Variants in XKR4 observed in about 807,000 individuals in gnomAD.
The protein encoded by XKR4 is XK related 4.
Under a neutral mutation model 53.9 loss-of-function variants are expected in XKR4, and 12 were observed. The observed-to-expected ratio is 0.22, with a 90% CI of 0.14 to 0.36. The LOEUF is 0.36. Ranked by LOEUF, XKR4 falls within the 10% of genes least tolerant of loss-of-function variation. The probability of loss-of-function intolerance (pLI) is 1.00; values close to 1 mark genes in which losing one functional copy is unlikely to be tolerated. For missense variants in XKR4, 799 were observed against 859.5 expected (o/e 0.93, Z 0.88); for synonymous variants, 354 against 362.4 (o/e 0.98, Z 0.26).
chr8:55,507,783 A>G (rs1806564713), intron 2 of XKR4, among the ~76,000 whole-genome samples: 1 of 152,126 alleles, frequency 6.6e-6, no homozygotes, highest in Non-Finnish European at 1.5e-5. Flanking sequence ...AGTCTTTGCT[A>G]TTGTGAATAA....
intron 2 of XKR4, among the ~76,000 whole-genome samples, chr8:55,481,984 G>A (rs1404893572): frequency 1.3e-5 from 2 of 152,208 alleles, no homozygotes; most frequent in Non-Finnish European, 2.9e-5. Context: ...GGAAGTCAGT[G>A]TGGCGATTCC....
chr8:55,341,754 G>A (rs764878408), intron 1 of XKR4, among the ~76,000 whole-genome samples: 4 of 152,156 alleles, frequency 2.6e-5, no homozygotes, highest in Non-Finnish European at 5.9e-5. Flanking sequence ...GCCTTGGGAA[G>A]GAAGAGACCT....
chr8:55,418,782 C>T (rs1425046331), intron 2 of XKR4, among the ~76,000 whole-genome samples: 1 of 152,202 alleles, frequency 6.6e-6, no homozygotes, highest in Non-Finnish European at 1.5e-5. Flanking sequence ...CTTCCTGACA[C>T]CTGTCCAGCT....
In XKR4 at chr8:55,464,207, C is replaced by T. The variant is rs373807828; in HGVS notation, c.1007-59074C>T. ...ATTTTAGACCAATATCCTTGATGAA[C>T]ATTGATGCAAAAATCCTCAATAAAA... On this transcript the variant is annotated intron_variant, in intron 2 of 2. Transcript: ENST00000327381. Among the ~76,000 whole-genome samples, 112 of 152,266 alleles carry T rather than the reference C, an allele frequency of 7.4e-4. 1 individual carries two copies. In the East Asian group the frequency reaches 0.021, roughly 29 times the overall value.
At chr8:55,121,862 A>C (rs942077713) in intron 1 of XKR4, among the ~76,000 whole-genome samples, 1 of 126,896 alleles carries the variant, frequency 7.9e-6, no homozygotes, top group African/African-American at 2.8e-5. Context: ...ACACACACAC[A>C]CCCCTTTGAC....
intron 1 of XKR4, among the ~76,000 whole-genome samples, chr8:55,291,321 A>G (rs1427794788): frequency 6.6e-6 from 1 of 152,304 alleles, no homozygotes; most frequent in Non-Finnish European, 1.5e-5. Context: ...GTTATTCTTC[A>G]TCGAAACTGT....
intron 2 of XKR4, among the ~76,000 whole-genome samples, chr8:55,492,802 T>C (rs1806290239): frequency 6.6e-6 from 1 of 152,228 alleles, no homozygotes; most frequent in South Asian, 2.1e-4. Context: ...TTTTTCAGTC[T>C]CGTGATTTAC....
intron 1 of XKR4, among the ~76,000 whole-genome samples, chr8:55,107,189 C>A (rs1026801569): frequency 2.0e-5 from 3 of 151,806 alleles, no homozygotes; most frequent in Non-Finnish European, 4.4e-5. Context: ...TTTAAAATAA[C>A]CTAAAAGAAA....
intron 2 of XKR4, among the ~76,000 whole-genome samples, chr8:55,441,704 A>G (rs563155678): frequency 1.3e-5 from 2 of 152,298 alleles, no homozygotes; most frequent in East Asian, 3.9e-4. Context: ...AAAAAATATA[A>G]CTTAATAAGC....
At chr8:55,146,893 G>C (rs772282710) in intron 1 of XKR4, among the ~76,000 whole-genome samples, 1 of 152,216 alleles carries the variant, frequency 6.6e-6, no homozygotes, top group African/African-American at 2.4e-5. Context: ...GGGGGCAGCT[G>C]CTTCTGCCCA....
At chr8:55,166,140 G>A (rs911713760) in intron 1 of XKR4, among the ~76,000 whole-genome samples, 1 of 152,096 alleles carries the variant, frequency 6.6e-6, no homozygotes, top group Non-Finnish European at 1.5e-5. Context: ...ATGATACTGG[G>A]GTTTCCCAAA....
Position 55,453,486 on chromosome 8 carries a change from C to T in XKR4, c.1007-69795C>T, listed in dbSNP as rs192628120. 290 of 394,256 alleles carry T rather than the reference C, an allele frequency of 7.4e-4. 3 individuals are homozygous for T. Among genetic ancestry groups the T allele is most frequent in the African/African-American group, 1.9e-3 (91 of 47,610 alleles). 24.4% of individuals were successfully genotyped at this position (394,256 alleles called of 1,614,324 possible). A position where few individuals can be genotyped will look rare whatever the true frequency, so the allele number is the denominator to read the frequency against. Reference sequence around the variant, plus strand: ...AACACGTGGGAGATGCAGTTGCCCACGACCTCCAGCTGCCCTGGGCTCTTG... The same window carrying T: ...AACACGTGGGAGATGCAGTTGCCCATGACCTCCAGCTGCCCTGGGCTCTTG... On this transcript the variant is annotated intron_variant, in intron 2 of 2. Coordinates refer to ENST00000327381, the MANE Select transcript of XKR4 (RefSeq NM_052898.2).
chr8:55,523,250 T>G (rs774859783), intron 2 of XKR4, 31 bp from the exon 3 acceptor site: 2 of 1,539,710 alleles, frequency 1.3e-6, no homozygotes, highest in Non-Finnish European at 8.8e-7. Flanking sequence ...AACTGATTTC[T>G]GACACACTGT....
intron 2 of XKR4, among the ~76,000 whole-genome samples, chr8:55,373,720 TG>T (rs1383345473): frequency 6.6e-6 from 1 of 152,188 alleles, no homozygotes; most frequent in Admixed American, 6.5e-5. Context: ...TTGGAATAAA[TG>T]GTAGAATAAG....
At chr8:55,229,715 C>T (rs1299594111) in intron 1 of XKR4, among the ~76,000 whole-genome samples, 2 of 152,182 alleles carry the variant, frequency 1.3e-5, no homozygotes, top group African/African-American at 2.4e-5. Context: ...TGTCTCTCTT[C>T]TTGCGTCTAC....
chr8:55,162,518 G>T (rs535182550), intron 1 of XKR4, among the ~76,000 whole-genome samples: 2 of 152,162 alleles, frequency 1.3e-5, no homozygotes, highest in Non-Finnish European at 2.9e-5. Context: ...GTGTTGTGAG[G>T]ATTAAATAAG....
intron 2 of XKR4, among the ~76,000 whole-genome samples, chr8:55,407,606 C>T (rs940451764): frequency 2.0e-5 from 3 of 152,198 alleles, no homozygotes; most frequent in Admixed American, 1.3e-4. Flanking sequence ...CCGGCTCCAC[C>T]GCACTCTTTT....
chr8:55,220,259 T>A (rs1014765484), intron 1 of XKR4, among the ~76,000 whole-genome samples: 3 of 152,132 alleles, frequency 2.0e-5, no homozygotes, highest in Non-Finnish European at 4.4e-5. Context: ...ACAGATTTCA[T>A]TTTTTGGCCT....
intron 1 of XKR4, among the ~76,000 whole-genome samples, chr8:55,120,948 T>C (rs1482595307): frequency 6.6e-6 from 1 of 152,248 alleles, no homozygotes; most frequent in South Asian, 2.1e-4. Context: ...TAAAATGTCG[T>C]GTAGTTGGAA....
Sources: allele counts gnomAD v4.1 joint callset (sites outside exome capture counted in the v4.1 genomes callset), GRCh38; gene constraint gnomAD v4.1.1; transcripts MANE v1.5; gene names NCBI Gene and HGNC (gene_info 2026-07-23, HGNC 2026-07-21).